Variants in ZNF354A observed in about 807,000 individuals in gnomAD.
ZNF354A encodes zinc finger protein 354A.
Under a neutral mutation model 53.3 loss-of-function variants are expected in ZNF354A, and 25 were observed. The ratio of observed to expected loss-of-function variants is 0.47; its 90% CI spans 0.34 to 0.66. ZNF354A has a LOEUF of 0.66. Among genes scored for constraint, ZNF354A ranks in the 30% least tolerant of loss-of-function variants. The probability of loss-of-function intolerance (pLI) is 0.01; values close to 1 mark genes in which losing one functional copy is unlikely to be tolerated. For synonymous variants in ZNF354A, 228 were observed against 249.0 expected (o/e 0.92, Z 0.79); for missense variants, 586 against 716.8 (o/e 0.82, Z 2.08).
intron 4 of ZNF354A, among the ~76,000 whole-genome samples, chr5:178,724,485 A>G (rs1765868875): frequency 6.6e-6 from 1 of 152,090 alleles, no homozygotes; most frequent in Admixed American, 6.6e-5. Context: ...TCGGCCTCTG[A>G]AAGTGCTAGG....
intron 4 of ZNF354A, among the ~76,000 whole-genome samples, chr5:178,724,783 G>A (rs1243424160): frequency 1.3e-5 from 2 of 152,136 alleles, no homozygotes; most frequent in Admixed American, 1.3e-4. Context: ...AAATGGTGGC[G>A]TCCTAACAAT....
chr5:178,720,813 C>T (rs552269914), intron 4 of ZNF354A, among the ~76,000 whole-genome samples: 4 of 152,292 alleles, frequency 2.6e-5, no homozygotes, highest in Non-Finnish European at 5.9e-5. Flanking sequence ...GCTCTTAGCA[C>T]ATCCATCAAA....
At chr5:178,716,110 T>C (rs909517464) in intron 4 of ZNF354A, among the ~76,000 whole-genome samples, 8 of 152,098 alleles carry the variant, frequency 5.3e-5, no homozygotes, top group African/African-American at 1.9e-4. Flanking sequence ...TTGGTCAGGC[T>C]GGTCTCGAAC....
chr5:178,723,012 C>T (rs1765839552), intron 4 of ZNF354A, among the ~76,000 whole-genome samples: 1 of 152,138 alleles, frequency 6.6e-6, no homozygotes, highest in Non-Finnish European at 1.5e-5. Context: ...CTTGGCGCCC[C>T]CCATGACACA....
At chr5:178,728,657 C>A (rs1288855906) in intron 2 of ZNF354A, among the ~76,000 whole-genome samples, 1 of 150,676 alleles carries the variant, frequency 6.6e-6, no homozygotes, top group Non-Finnish European at 1.5e-5. Flanking sequence ...CTTAGCCGGG[C>A]GTGATGGCGG....
At chr5:178,729,582 G>A (rs1266713379) in intron 1 of ZNF354A, among the ~76,000 whole-genome samples, 1 of 149,724 alleles carries the variant, frequency 6.7e-6, no homozygotes, top group Non-Finnish European at 1.5e-5. Context: ...GCGGAGTCTC[G>A]CTCTGTTGGC....
At chr5:178,718,596 A>T (rs1765756567) in intron 4 of ZNF354A, among the ~76,000 whole-genome samples, 1 of 152,216 alleles carries the variant, frequency 6.6e-6, no homozygotes, top group African/African-American at 2.4e-5. Context: ...TCCAAATCTG[A>T]ACCCAGAGCA....
At chr5:178,716,767 T>C (rs1055824901) in intron 4 of ZNF354A, among the ~76,000 whole-genome samples, 6 of 150,804 alleles carry the variant, frequency 4.0e-5, no homozygotes, top group Admixed American at 4.0e-4. Flanking sequence ...AGAGGGAAAA[T>C]GGTGAAATGA....
intron 4 of ZNF354A, among the ~76,000 whole-genome samples, chr5:178,724,225 G>A (rs918192060): frequency 2.1e-5 from 3 of 146,240 alleles, no homozygotes; most frequent in Non-Finnish European, 4.5e-5. Context: ...AAGGCTTCCC[G>A]CCTTTTTTTT....
intron 2 of ZNF354A, 50 bp from the exon 3 acceptor site, chr5:178,727,175 G>C (rs770820387): frequency 7.1e-6 from 11 of 1,540,306 alleles, no homozygotes; most frequent in Admixed American, 5.9e-5. Context: ...TCACAGAGCA[G>C]AGGGGGCGGC....
chr5:178,727,358 C>A (rs1323462399), intron 2 of ZNF354A, among the ~76,000 whole-genome samples: 1 of 152,124 alleles, frequency 6.6e-6, no homozygotes, highest in Non-Finnish European at 1.5e-5. Context: ...GAATTACGGC[C>A]ATTAGTGGGA....
chr5:178,724,523 C>T lies in ZNF354A; in HGVS notation c.256+853G>A, dbSNP rs184502682. On this transcript the variant is annotated intron_variant, in intron 4 of 4. Coordinates refer to ENST00000335815, the MANE Select transcript of ZNF354A (RefSeq NM_005649.3). The stretch of plus-strand genomic sequence containing the variant: ...GACAGGCGTGAGCCACCGTGCCCAG[C>T]GTTCTGCCTCACTTTCAAACACGAT... Among the ~76,000 whole-genome samples the T allele has an allele frequency of 4.2e-4, 64 of 152,316 alleles. 1 individual carries two copies. In the East Asian group the frequency reaches 0.012, roughly 28 times the overall value.
intron 4 of ZNF354A, among the ~76,000 whole-genome samples, chr5:178,717,404 C>CA (rs1280606300): frequency 6.6e-6 from 1 of 151,892 alleles, no homozygotes; most frequent in African/African-American, 2.4e-5. Context: ...TCAGGACTCC[C>CA]AGGAAGCTGA....
chr5:178,716,592 G>A (rs1765719169), intron 4 of ZNF354A, among the ~76,000 whole-genome samples: 1 of 152,180 alleles, frequency 6.6e-6, no homozygotes, highest in Non-Finnish European at 1.5e-5. Flanking sequence ...GTGTGCGCAT[G>A]TGCTGGGGAA....
chr5:178,714,738 T>TATAC (rs1295095765), intron 4 of ZNF354A, among the ~76,000 whole-genome samples: 2 of 152,020 alleles, frequency 1.3e-5, no homozygotes, highest in Non-Finnish European at 2.9e-5. Flanking sequence ...GCACATGTGT[T>TATAC]ATACATACAT....
At chr5:178,728,386 G>T (rs1765953218) in intron 2 of ZNF354A, among the ~76,000 whole-genome samples, 1 of 152,044 alleles carries the variant, frequency 6.6e-6, no homozygotes. Flanking sequence ...AGTTAAAATG[G>T]TATATTTTAT....
At chr5:178,715,298 C>T (rs1280533995) in intron 4 of ZNF354A, among the ~76,000 whole-genome samples, 1 of 152,210 alleles carries the variant, frequency 6.6e-6, no homozygotes, top group African/African-American at 2.4e-5. Flanking sequence ...AAACACAATA[C>T]ATCTTGCTTT....
intron 1 of ZNF354A, among the ~76,000 whole-genome samples, chr5:178,729,876 C>CTTT (rs1765996135): frequency 5.6e-5 from 8 of 142,572 alleles, no homozygotes; most frequent in South Asian, 2.3e-4. Context: ...CACGATGTTT[C>CTTT]TTTTTTGAGA....
Position 178,726,967 on chromosome 5 carries a change from GA to G in ZNF354A, c.160+31del, listed in dbSNP as rs374889532. The stretch of plus-strand genomic sequence containing the variant: ...GAGGTGCTGAGATATCCCAATTTTT[GA>G]ATTCTGTTTCTAGAGGGAAAATTTC... On this transcript the variant is annotated intron_variant, in intron 3 of 4. Transcript: ENST00000335815. 1.3e-5 allele frequency: 20 copies of G among 1,580,230 alleles called. No homozygotes were observed. The African/African-American group carries it at 2.3e-4, about 18-fold the overall frequency.
Sources: allele counts gnomAD v4.1 joint callset (sites outside exome capture counted in the v4.1 genomes callset), GRCh38; gene constraint gnomAD v4.1.1; transcripts MANE v1.5; gene names NCBI Gene and HGNC (gene_info 2026-07-23, HGNC 2026-07-21).